The following CDCP1 variants were observed in gnomAD, a reference collection of about 807,000 sequenced individuals.
CDCP1 encodes the protein CUB domain containing protein 1.
CDCP1 carries 29 observed loss-of-function variants against 60.2 expected under a neutral mutation model. The observed-to-expected ratio is 0.48, with a 90% CI of 0.36 to 0.66. The LOEUF is 0.66. Among genes scored for constraint, CDCP1 ranks in the 30% least tolerant of loss-of-function variants. CDCP1 has a pLI of 0.00. For missense variants in CDCP1, 876 were observed against 1,074.3 expected (o/e 0.82, Z 2.58); for synonymous variants, 387 against 431.1 (o/e 0.90, Z 1.27).
upstream of CDCP1, chr3:45,146,461 C>T (rs1006675556): frequency 7.8e-6 from 4 of 510,932 alleles, no homozygotes; most frequent in African/African-American, 2.0e-5. Context: ...TGCGTCCCTC[C>T]TCTCTCTCCT....
At position 45,082,449 on chromosome 3, in the gene CDCP1, A is replaced by G. The variant is rs1359558769; in HGVS notation, c.*3189T>C. On this transcript the variant is annotated 3_prime_UTR_variant, in exon 9 of 9. Transcript: ENST00000296129. ...CATGCTGAGCCTGTCACAGTCAACAACTGGGAAACCGGGGCCTCTACTGAA... is the reference window on the plus strand; with the variant it reads ...CATGCTGAGCCTGTCACAGTCAACAGCTGGGAAACCGGGGCCTCTACTGAA... 3 of 152,172 alleles carry G rather than the reference A, an allele frequency of 2.0e-5. No individual in the cohort carries two copies. The highest frequency in any genetic ancestry group is 4.4e-5 in the Non-Finnish European group (3 of 68,044). 9.4% of individuals were successfully genotyped at this position (152,172 alleles called of 1,614,324 possible).
At chr3:45,122,110 T>C (rs1576108520) in intron 1 of CDCP1, among the ~76,000 whole-genome samples, 1 of 152,072 alleles carries the variant, frequency 6.6e-6, no homozygotes, top group Admixed American at 6.5e-5. Context: ...GGTATTCTTT[T>C]ATAATGACAG....
intron 5 of CDCP1, 26 bp downstream of exon 5, chr3:45,095,320 GA>G: frequency 6.2e-7 from 1 of 1,600,380 alleles, no homozygotes; most frequent in Non-Finnish European, 8.6e-7. Context: ...CATGGCCAGG[GA>G]CAAATGCACT....
chr3:45,112,038 TTG>T, intron 3 of CDCP1, 43 bp downstream of exon 3: 1 of 1,584,478 alleles, frequency 6.3e-7, no homozygotes, highest in Non-Finnish European at 8.6e-7. Context: ...AATGATGATC[TTG>T]TGTGTTTTAA....
intron 1 of CDCP1, among the ~76,000 whole-genome samples, chr3:45,131,924 A>AT (rs1176169813): frequency 1.3e-5 from 2 of 152,108 alleles, no homozygotes; most frequent in African/African-American, 2.4e-5. Context: ...ACAGGACTGC[A>AT]TTTTTTTGGC....
intron 1 of CDCP1, among the ~76,000 whole-genome samples, chr3:45,119,532 G>A (rs1426864956): frequency 6.6e-6 from 1 of 152,182 alleles, no homozygotes; most frequent in Non-Finnish European, 1.5e-5. Flanking sequence ...GGGAGCCTAG[G>A]GGCTCACAGT....
intron 1 of CDCP1, among the ~76,000 whole-genome samples, chr3:45,139,904 G>T (rs546536572): frequency 1.3e-5 from 2 of 152,248 alleles, no homozygotes; most frequent in East Asian, 3.9e-4. Flanking sequence ...AAACTCAGGG[G>T]CTTCATCTTA....
intron 4 of CDCP1, among the ~76,000 whole-genome samples, chr3:45,109,675 G>C (rs1698654788): frequency 6.6e-6 from 1 of 152,098 alleles, no homozygotes; most frequent in Admixed American, 6.5e-5. Context: ...CACCTAGGGA[G>C]CAAAGTTTAA....
At position 45,093,513 on chromosome 3, in the gene CDCP1, G is replaced by C. The variant is rs1470357346; in HGVS notation, c.1391C>G (p.Ala464Gly). 1.2e-6 allele frequency: 2 copies of C among 1,614,114 alleles called. No homozygotes were observed. Among genetic ancestry groups the C allele is most frequent in the South Asian group, 2.2e-5 (2 of 91,082 alleles). ...GTGTGTATGCTGCTGCAGCTTCTGG[G>C]CTGGCACCAGCACCAGGCTGAGCCT... ...KDRLSLVLVPAQKLQQHTHEK... is the reference protein window; with the variant it reads ...KDRLSLVLVPGQKLQQHTHEK... Residue 464 changes from alanine (A) to glycine (G), a missense_variant, in exon 6 of 9, where the codon GCC (alanine) becomes GGC (glycine). This residue lies in a region of CDCP1 where 726 missense variants were observed against 935.7 expected (regional missense o/e 0.78). Coordinates refer to ENST00000296129, the MANE Select transcript of CDCP1 (RefSeq NM_022842.5).
intron 5 of CDCP1, among the ~76,000 whole-genome samples, chr3:45,094,866 G>T (rs1356490381): frequency 6.6e-6 from 1 of 152,068 alleles, no homozygotes; most frequent in Non-Finnish European, 1.5e-5. Context: ...TCTACCTGAG[G>T]CTGGTCCAAA....
intron 1 of CDCP1, among the ~76,000 whole-genome samples, chr3:45,124,675 C>A (rs1185847287): frequency 6.6e-6 from 1 of 152,178 alleles, no homozygotes; most frequent in African/African-American, 2.4e-5. Context: ...GCTGGTGTTT[C>A]CTCCATCCAT....
chr3:45,115,729 A>T (rs578176056), intron 2 of CDCP1, among the ~76,000 whole-genome samples: 1 of 152,152 alleles, frequency 6.6e-6, no homozygotes, highest in East Asian at 1.9e-4. Context: ...TTTAAGACAA[A>T]TTCTCACTCT....
chr3:45,117,082 A>T (rs907114322), intron 2 of CDCP1, among the ~76,000 whole-genome samples: 2 of 152,184 alleles, frequency 1.3e-5, no homozygotes, highest in Non-Finnish European at 2.9e-5. Context: ...AGTTTTTAAA[A>T]TTGATTTCTA....
intron 4 of CDCP1, among the ~76,000 whole-genome samples, chr3:45,108,787 A>ATATTTTTTTTTTTTTTTT (rs1559392558): frequency 5.8e-5 from 2 of 34,746 alleles, no homozygotes; most frequent in Non-Finnish European, 1.3e-4. Context: ...ATACATATAT[A>ATATTTTTTTTTTTTTTTT]TGCATGTATA....
rs371585882 is a variant in CDCP1, at chr3:45,120,816, A to G, written c.83-2195T>C. ...TCCTGACACCAAAAGTGCTTTCTCT[A>G]GAAAAAGCTGGCTCCTTGTTGTCAT... is the stretch of plus-strand genomic sequence containing the variant. On this transcript the variant is annotated intron_variant, in intron 1 of 8. Coordinates refer to ENST00000296129, the MANE Select transcript of CDCP1 (RefSeq NM_022842.5). Among the ~76,000 whole-genome samples, 171 of 152,216 alleles carry G rather than the reference A, an allele frequency of 1.1e-3. 1 individual carries two copies. Among genetic ancestry groups the G allele is most frequent in the African/African-American group, 4.0e-3 (166 of 41,534 alleles).
In CDCP1 at chr3:45,121,642, C is replaced by T. The variant is rs562402337; in HGVS notation, c.83-3021G>A. 3.3e-4 allele frequency among the ~76,000 whole-genome samples: 50 copies of T among 152,002 alleles called. 1 individual carries two copies. The highest frequency in any genetic ancestry group is 3.3e-4 in the Admixed American group (5 of 15,254). On this transcript the variant is annotated intron_variant, in intron 1 of 8. Coordinates refer to ENST00000296129, the MANE Select transcript of CDCP1 (RefSeq NM_022842.5). ...ATCATTATTTTAAATCAGTGCTAGA[C>T]GCTAAGCAGAGCTGCATTGCCTAAG... is the stretch of plus-strand genomic sequence containing the variant.
chr3:45,106,804 G>A (rs980749111), intron 4 of CDCP1, among the ~76,000 whole-genome samples: 18 of 152,144 alleles, frequency 1.2e-4, no homozygotes, highest in Admixed American at 6.5e-4. Context: ...GCAGTGAAGG[G>A]GTCGAGGGGG....
chr3:45,097,416 T>C (rs1168411815), intron 4 of CDCP1, among the ~76,000 whole-genome samples: 3 of 152,090 alleles, frequency 2.0e-5, no homozygotes, highest in African/African-American at 7.2e-5. Flanking sequence ...TCATTTCACT[T>C]TTTAATGTTA....
At chr3:45,096,423 A>G (rs535572755) in intron 4 of CDCP1, among the ~76,000 whole-genome samples, 2 of 151,864 alleles carry the variant, frequency 1.3e-5, no homozygotes, top group Non-Finnish European at 2.9e-5. Context: ...TCAGGAGTTC[A>G]AGACCAGCCT....
Sources: gnomAD v4.1 joint callset for allele counts (sites outside exome capture counted in the v4.1 genomes callset) on GRCh38, gnomAD v4.1.1 for gene constraint, gnomAD v4.1.1 regional missense constraint, MANE v1.5 for transcripts, NCBI Gene and HGNC (gene_info 2026-07-23, HGNC 2026-07-21) for gene names.